RBMS2: variants seen among roughly 807,000 people sequenced by gnomAD.
RBMS2 encodes RNA-binding motif, single-stranded-interacting protein 2.
In RBMS2, 38 loss-of-function variants were observed where a neutral mutation model predicts 58.4. That is an observed-to-expected ratio of 0.65 (90% confidence interval 0.50 to 0.85). The LOEUF (loss-of-function observed/expected upper bound fraction) is 0.85. Among genes scored for constraint, RBMS2 ranks in the 40% least tolerant of loss-of-function variants. The pLI is 0.00. For missense variants in RBMS2, 367 were observed against 503.7 expected (o/e 0.73, Z 2.60); for synonymous variants, 151 against 180.7 (o/e 0.84, Z 1.32).
At chr12:56,547,439 G>C (rs966799229) in intron 1 of RBMS2, among the ~76,000 whole-genome samples, 1 of 152,082 alleles carries the variant, frequency 6.6e-6, no homozygotes, top group Admixed American at 6.6e-5. Context: ...GGAGGCCAAA[G>C]TAGGAGGATT....
intron 1 of RBMS2, among the ~76,000 whole-genome samples, chr12:56,555,112 T>C (rs1191746486): frequency 6.6e-6 from 1 of 151,926 alleles, no homozygotes; most frequent in Non-Finnish European, 1.5e-5. Context: ...GGCAGCCAAG[T>C]ACCTGGATAC....
At chr12:56,577,642 T>G (rs1326174309) in intron 5 of RBMS2, among the ~76,000 whole-genome samples, 1 of 151,584 alleles carries the variant, frequency 6.6e-6, no homozygotes, top group Non-Finnish European at 1.5e-5. Context: ...GCCCAGCTAA[T>G]TTTTTGGTGG....
intron 1 of RBMS2, among the ~76,000 whole-genome samples, chr12:56,552,052 C>T (rs1046393934): frequency 6.6e-6 from 1 of 152,244 alleles, no homozygotes; most frequent in African/African-American, 2.4e-5. Context: ...CGTGCCACTG[C>T]ACTCAGCCTG....
chr12:56,531,816 CAA>C (rs58967351), intron 1 of RBMS2, among the ~76,000 whole-genome samples: 19 of 88,264 alleles, frequency 2.2e-4, no homozygotes, highest in African/African-American at 1.7e-4. Context: ...GATTCCATTT[CAA>C]AAAAAAAAAA....
At chr12:56,550,985 G>A (rs1878164425) in intron 1 of RBMS2, among the ~76,000 whole-genome samples, 1 of 151,714 alleles carries the variant, frequency 6.6e-6, no homozygotes, top group Non-Finnish European at 1.5e-5. Flanking sequence ...AGGTATGGTG[G>A]CATGCATCTG....
intron 5 of RBMS2, among the ~76,000 whole-genome samples, chr12:56,574,622 GCA>G (rs1288890027): frequency 1.3e-5 from 2 of 152,138 alleles, no homozygotes; most frequent in Non-Finnish European, 2.9e-5. Flanking sequence ...GTGCCTGAGA[GCA>G]CAGTTTAGGA....
chr12:56,559,321 G>T (rs932306855), intron 1 of RBMS2, among the ~76,000 whole-genome samples: 3 of 151,100 alleles, frequency 2.0e-5, no homozygotes, highest in Non-Finnish European at 4.4e-5. Flanking sequence ...GAGTAGCTGG[G>T]ACTACAGGCG....
intron 1 of RBMS2, among the ~76,000 whole-genome samples, chr12:56,557,206 C>A (rs1345079510): frequency 2.0e-5 from 3 of 152,090 alleles, no homozygotes; most frequent in Admixed American, 6.6e-5. Context: ...TATGTCAGTT[C>A]CCTGGGTGCT....
intron 1 of RBMS2, among the ~76,000 whole-genome samples, chr12:56,526,607 T>C (rs1264844908): frequency 6.8e-6 from 1 of 147,104 alleles, no homozygotes; most frequent in Non-Finnish European, 1.5e-5. Flanking sequence ...TTCTGCAAGA[T>C]AATTTTGTGT....
intron 1 of RBMS2, among the ~76,000 whole-genome samples, chr12:56,522,544 A>T (rs991920761): frequency 6.6e-6 from 1 of 152,100 alleles, no homozygotes; most frequent in Non-Finnish European, 1.5e-5. Context: ...GAAATCATAG[A>T]TAGTCAGAGA....
chr12:56,553,672 G>A (rs1291785989), intron 1 of RBMS2, among the ~76,000 whole-genome samples: 3 of 151,924 alleles, frequency 2.0e-5, no homozygotes, highest in Non-Finnish European at 4.4e-5. Flanking sequence ...TTACCATGTT[G>A]CCCAGGCTGG....
chr12:56,587,574 G>A lies in RBMS2; in HGVS notation c.972G>A (p.Gly324=). ...TCTAGGGTTCAGTTCTGACACCAGGGATGGACCATCCCATTTCTCTCCAGC... is the reference window on the plus strand; with the variant it reads ...TCTAGGGTTCAGTTCTGACACCAGGAATGGACCATCCCATTTCTCTCCAGC... ...MQPSGSVLTP[G]MDHPISLQPA... The change falls in exon 11 of 14, where the codon GGG becomes GGA. Residue 324 remains glycine (G), a synonymous_variant. Transcript: ENST00000262031. The A allele has an allele frequency of 2.5e-6, 4 of 1,613,964 alleles. No homozygotes were observed. Among genetic ancestry groups the A allele is most frequent in the Non-Finnish European group, 3.4e-6 (4 of 1,179,922 alleles).
intron 5 of RBMS2, among the ~76,000 whole-genome samples, chr12:56,572,383 G>T (rs953230318): frequency 1.3e-5 from 2 of 151,620 alleles, no homozygotes; most frequent in African/African-American, 2.4e-5. Context: ...TAAAGATGGG[G>T]TCTTGCTGTG....
chr12:56,577,035 C>CAAA (rs60298708), intron 5 of RBMS2, among the ~76,000 whole-genome samples: 7 of 63,610 alleles, frequency 1.1e-4, no homozygotes, highest in African/African-American at 3.3e-4. Context: ...AGTGAGATTC[C>CAAA]AAAAAAAAAA....
At chr12:56,540,350 T>C (rs868844399) in intron 1 of RBMS2, among the ~76,000 whole-genome samples, 6 of 152,138 alleles carry the variant, frequency 3.9e-5, no homozygotes, top group Admixed American at 1.3e-4. Context: ...TTTATGTATT[T>C]ATTTGTATTT....
chr12:56,573,106 A>C, intron 5 of RBMS2: 1 of 977,530 alleles, frequency 1.0e-6, no homozygotes, highest in South Asian at 4.7e-5. Flanking sequence ...TGAGCCAAGC[A>C]CCCCTTTTTG....
rs749627032 is a variant in RBMS2 at position 56,589,666 on chromosome 12, G to A, written c.*533G>A. On this transcript the variant is annotated 3_prime_UTR_variant, in exon 14 of 14. Transcript: ENST00000262031. ...TGTGTGTATGTGTTTTAAAAAGTAT[G>A]CAGGCTCTAAAAATGTTATTTTGTA... 39 of 155,554 alleles carry A rather than the reference G, an allele frequency of 2.5e-4. No homozygotes were observed. The highest frequency in any genetic ancestry group is 3.2e-4 in the Admixed American group (5 of 15,576). The allele number at this position is 155,554 out of a possible 1,614,324, so 9.6% of individuals were successfully genotyped here.
chr12:56,569,844 C>T (rs1260467214), intron 3 of RBMS2, 55 bp from the exon 4 acceptor site: 5 of 1,433,196 alleles, frequency 3.5e-6, no homozygotes, highest in African/African-American at 2.8e-5. Context: ...AAAGCCTGGA[C>T]CTCTCTGTTC....
chr12:56,536,497 TTTCCTTCCTTCC>T (rs532331764), intron 1 of RBMS2, among the ~76,000 whole-genome samples: 2 of 150,960 alleles, frequency 1.3e-5, no homozygotes, highest in South Asian at 2.1e-4. Context: ...AGTAAGATCT[TTTCCTTCCTTCC>T]TTCCTTCCTT....
Sources: gnomAD v4.1 joint callset for allele counts (sites outside exome capture counted in the v4.1 genomes callset) on GRCh38, gnomAD v4.1.1 for gene constraint, MANE v1.5 for transcripts, NCBI Gene and HGNC (gene_info 2026-07-23, HGNC 2026-07-21) for gene names.